The following PPFIA1 variants were observed in gnomAD, a reference collection of about 807,000 sequenced individuals.
PPFIA1 encodes liprin-alpha-1.
Under a neutral mutation model 149.9 loss-of-function variants are expected in PPFIA1, and 25 were observed. That is an observed-to-expected ratio of 0.17 (90% confidence interval 0.12 to 0.23). The LOEUF (loss-of-function observed/expected upper bound fraction) is 0.23. PPFIA1 is among the 10% of genes least tolerant of loss of function. The pLI, the probability that PPFIA1 is intolerant of heterozygous loss-of-function variation, is 1.00. For missense variants in PPFIA1, 1,362 were observed against 1,506.5 expected (o/e 0.90, Z 1.59); for synonymous variants, 549 against 552.8 (o/e 0.99, Z 0.10).
chr11:70,276,027 G>T (rs143085987), intron 2 of PPFIA1, among the ~76,000 whole-genome samples: 2 of 152,156 alleles, frequency 1.3e-5, no homozygotes, highest in Non-Finnish European at 2.9e-5. Context: ...CCATGAGCAG[G>T]TATTAAATTT....
intron 16 of PPFIA1, among the ~76,000 whole-genome samples, chr11:70,348,978 A>G (rs1199276691): frequency 6.6e-6 from 1 of 152,206 alleles, no homozygotes; most frequent in Non-Finnish European, 1.5e-5. Flanking sequence ...TGCAAAGTAC[A>G]GCAGCCAGAA....
intron 2 of PPFIA1, among the ~76,000 whole-genome samples, chr11:70,296,863 G>C (rs942440448): frequency 4.6e-5 from 7 of 152,150 alleles, no homozygotes; most frequent in Non-Finnish European, 1.0e-4. Flanking sequence ...GAGGTTGTGT[G>C]TAAGAGCATG....
In PPFIA1 at chr11:70,344,199, C is replaced by T. The variant is rs570864490; in HGVS notation, c.1931+307C>T. Among the ~76,000 whole-genome samples, 3 of 152,338 alleles carry T rather than the reference C, an allele frequency of 2.0e-5. No homozygotes were observed. In the South Asian group the frequency reaches 6.2e-4, roughly 32 times the overall value. On this transcript the variant is annotated intron_variant, in intron 15 of 27. Coordinates refer to ENST00000253925, the MANE Select transcript of PPFIA1 (RefSeq NM_003626.5). ...CTGGAGGGTGCTGAAGGGGCTCAGC[C>T]CAGCTCCCACTGCCGTCCTGAAAGC...
Position 70,348,338 on chromosome 11 carries a change from C to G in PPFIA1, c.2081C>G (p.Pro694Arg). 5 of 1,614,170 alleles carry G rather than the reference C, an allele frequency of 3.1e-6. No individual in the cohort carries two copies. The highest frequency in any genetic ancestry group is 4.2e-6 in the Non-Finnish European group (5 of 1,179,996). ...YPASSLASSS[P>R]PGSGRSTPRR... ...GCTTCCTCGCTTGCTAGCTCCTCCC[C>G]TCCGGGCAGTGGGCGCTCCACCCCA... is the stretch of plus-strand genomic sequence containing the variant. Residue 694 changes from proline (P) to arginine (R), a missense_variant, in exon 16 of 28, where the codon CCT (proline) becomes CGT (arginine). Pro to Arg is a moderately radical substitution (Grantham distance 103). Coordinates refer to ENST00000253925, the MANE Select transcript of PPFIA1 (RefSeq NM_003626.5).
chr11:70,309,167 C>T (rs146684949), intron 2 of PPFIA1, among the ~76,000 whole-genome samples: 1 of 151,764 alleles, frequency 6.6e-6, no homozygotes, highest in Non-Finnish European at 1.5e-5. Flanking sequence ...TTGAAACATA[C>T]ATGCTAACTT....
At chr11:70,374,887 C>A in intron 23 of PPFIA1, 31 bp from the exon 24 acceptor site, 1 of 1,601,424 alleles carries the variant, frequency 6.2e-7, no homozygotes, top group Non-Finnish European at 8.5e-7. Context: ...TTTCTGAAGC[C>A]ACTTTTATAA....
intron 2 of PPFIA1, among the ~76,000 whole-genome samples, chr11:70,295,431 C>T (rs1280043839): frequency 3.5e-5 from 5 of 144,856 alleles, no homozygotes; most frequent in Admixed American, 3.4e-4. Flanking sequence ...GGCACAGGGG[C>T]TCCTCACTTC....
At chr11:70,314,726 G>A (rs1018260172) in intron 2 of PPFIA1, among the ~76,000 whole-genome samples, 7 of 152,000 alleles carry the variant, frequency 4.6e-5, no homozygotes, top group Non-Finnish European at 7.4e-5. Flanking sequence ...TAAATACTAG[G>A]TTTGGGCATA....
At chr11:70,315,077 C>T (rs2053520076) in intron 2 of PPFIA1, among the ~76,000 whole-genome samples, 1 of 152,212 alleles carries the variant, frequency 6.6e-6, no homozygotes. Context: ...ATCCAGTTAC[C>T]TCCACCTGGT....
chr11:70,354,193 G>T, intron 16 of PPFIA1, 108 bp from the exon 17 acceptor site: 1 of 1,161,436 alleles, frequency 8.6e-7, no homozygotes, highest in Middle Eastern at 2.0e-4. Context: ...TTCTGTGCTG[G>T]CAGAAAGCAC....
chr11:70,339,125 T>C, intron 13 of PPFIA1, 46 bp from the exon 14 acceptor site: 1 of 1,603,342 alleles, frequency 6.2e-7, no homozygotes, highest in Non-Finnish European at 8.5e-7. Flanking sequence ...AGAGAGTTTA[T>C]TTTCTTTTCT....
At chr11:70,364,149 T>C (rs1304593163) in intron 21 of PPFIA1, among the ~76,000 whole-genome samples, 1 of 152,206 alleles carries the variant, frequency 6.6e-6, no homozygotes, top group Non-Finnish European at 1.5e-5. Flanking sequence ...AGTGTTTTAC[T>C]GTATTTGATT....
chr11:70,348,507 C>G lies in PPFIA1; in HGVS notation c.2163+87C>G, dbSNP rs912789683. ...ACTACAAATCTACCCACAAGAAAAT[C>G]AAGTACATTCGTTATTCTAAGAGGT... On this transcript the variant is annotated intron_variant, in intron 16 of 27. Coordinates refer to ENST00000253925, the MANE Select transcript of PPFIA1 (RefSeq NM_003626.5). 3 of 1,077,582 alleles carry G rather than the reference C, an allele frequency of 2.8e-6. No individual in the cohort carries two copies. The African/African-American group carries it at 4.7e-5, about 17-fold the overall frequency. The allele number at this position is 1,077,582 out of a possible 1,614,324, so 66.8% of individuals were successfully genotyped here. A position where few individuals can be genotyped will look rare whatever the true frequency, so the allele number is the denominator to read the frequency against.
Position 70,337,366 on chromosome 11 carries a change from A to T in PPFIA1, c.1430A>T (p.Asn477Ile). The T allele has an allele frequency of 6.3e-7, 1 of 1,586,410 alleles. No homozygotes were observed. Among genetic ancestry groups the T allele is most frequent in the Non-Finnish European group, 8.6e-7 (1 of 1,162,842 alleles). ...AAAGGACTATCTGTCTTTTTTCAGA[A>T]CTCTCTTTTAAGAGAAGTTGAAAGT... ...KERMAALEDK[N>I]SLLREVESAK... The change falls in exon 12 of 28, where the codon AAC (asparagine) becomes ATC (isoleucine). Residue 477 changes from asparagine to isoleucine, a missense_variant and splice_region_variant. Asn to Ile is a moderately radical substitution (Grantham distance 149). Around this residue, in one of 7 missense-constraint regions of PPFIA1, gnomAD observed 733 missense variants for 744.1 expected, o/e 0.99. Coordinates refer to ENST00000253925, the MANE Select transcript of PPFIA1 (RefSeq NM_003626.5).
intron 2 of PPFIA1, among the ~76,000 whole-genome samples, chr11:70,277,249 C>T (rs898941035): frequency 6.6e-6 from 1 of 151,580 alleles, no homozygotes; most frequent in Admixed American, 6.6e-5. Flanking sequence ...CTCCTGGCCT[C>T]AGGTGATCCT....
intron 2 of PPFIA1, among the ~76,000 whole-genome samples, chr11:70,296,713 G>GGGGAGAGGGAGAGGAGGGAGA (rs2052056430): frequency 7.0e-6 from 1 of 142,432 alleles, no homozygotes; most frequent in African/African-American, 2.7e-5. Flanking sequence ...GGGAGACCAT[G>GGGGAGAGGGAGAGGAGGGAGA]GGGAGAGGGA....
chr11:70,354,415 C>A lies in PPFIA1; in HGVS notation c.2278C>A (p.His760Asn). Residue 760 changes from histidine (H) to asparagine (N), a missense_variant, in exon 17 of 28, where the codon CAC becomes AAC. Physicochemically the swap from His to Asn is moderately conservative, Grantham distance 68. This residue lies in a region of PPFIA1 where 733 missense variants were observed against 744.1 expected (regional missense o/e 0.99). Coordinates refer to ENST00000253925, the MANE Select transcript of PPFIA1 (RefSeq NM_003626.5). ...AGACCGGCTGCACAAAGGGGCGCTG[C>A]ACACCGTCAGCCACGAGGACATCAG... ...RLDRLHKGAL[H>N]TVSHEDIRDI... The A allele has an allele frequency of 6.2e-7, 1 of 1,614,028 alleles. No individual in the cohort carries two copies. Among genetic ancestry groups the A allele is most frequent in the East Asian group, 2.2e-5 (1 of 44,848 alleles).
chr11:70,289,040 T>C (rs1182499896), intron 2 of PPFIA1, among the ~76,000 whole-genome samples: 1 of 148,432 alleles, frequency 6.7e-6, no homozygotes, highest in Non-Finnish European at 1.5e-5. Context: ...CCATCTCAGC[T>C]CACTGCAAGC....
chr11:70,332,666 A>C (rs2054736577), intron 9 of PPFIA1, among the ~76,000 whole-genome samples: 3 of 152,248 alleles, frequency 2.0e-5, no homozygotes, highest in Non-Finnish European at 4.4e-5. Flanking sequence ...GAAGCAGCTA[A>C]AGAGGCAAAT....
Sources: allele counts gnomAD v4.1 joint callset (sites outside exome capture counted in the v4.1 genomes callset), GRCh38; gene constraint gnomAD v4.1.1; regional missense constraint gnomAD v4.1.1; transcripts MANE v1.5; gene names NCBI Gene and HGNC (gene_info 2026-07-23, HGNC 2026-07-21).